Variants in CHD6 observed in about 807,000 individuals in gnomAD.
CHD6 encodes ATP-dependent chromatin remodeler CHD6.
A neutral mutation model predicts 276.9 loss-of-function variants in CHD6; 50 were observed. The ratio of observed to expected loss-of-function variants is 0.18; its 90% CI spans 0.14 to 0.23. The LOEUF (loss-of-function observed/expected upper bound fraction) is 0.23, where lower values mean the gene tolerates loss of function less well. Ranked by LOEUF, CHD6 falls within the 10% of genes least tolerant of loss-of-function variation. The probability of loss-of-function intolerance (pLI) is 1.00; values close to 1 mark genes in which losing one functional copy is unlikely to be tolerated. For synonymous variants in CHD6, 1,173 were observed against 1,229.3 expected (o/e 0.95, Z 0.96); for missense variants, 2,564 against 3,365.8 (o/e 0.76, Z 5.89).
chr20:41,404,426 AC>A lies in CHD6; in HGVS notation c.*166del. On this transcript the variant is annotated 3_prime_UTR_variant, in exon 37 of 37. Transcript: ENST00000373233. ...AACACTTATCTAATGAAGTGGTGAG[AC>A]CCTGCAACTATTAACATCTGTTACC... 2.3e-5 allele frequency: 31 copies of A among 1,322,004 alleles called. No individual in the cohort carries two copies. The highest frequency in any genetic ancestry group is 2.0e-4 in the South Asian group (7 of 35,254). The allele number at this position is 1,322,004 out of a possible 1,614,324, so 81.9% of individuals were successfully genotyped here. A position where few individuals can be genotyped will look rare whatever the true frequency, so the allele number is the denominator to read the frequency against.
At chr20:41,455,679 A>C (rs997296741) in intron 19 of CHD6, 121 bp downstream of exon 19, 11 of 670,774 alleles carry the variant, frequency 1.6e-5, no homozygotes, top group Non-Finnish European at 2.8e-5. Flanking sequence ...CGCAGACTAA[A>C]TGTGCAGCCA....
intron 36 of CHD6, 50 bp downstream of exon 36, chr20:41,412,094 C>T: frequency 6.2e-7 from 1 of 1,607,276 alleles, no homozygotes; most frequent in African/African-American, 1.3e-5. Flanking sequence ...AGGCACGGCT[C>T]AACCAGGATG....
Position 41,533,093 on chromosome 20 carries a change from T to C in CHD6, c.511A>G (p.Ser171Gly), listed in dbSNP as rs368241193. The C allele has an allele frequency of 7.4e-6, 12 of 1,611,884 alleles. No homozygotes were observed. In the African/African-American group the frequency reaches 1.6e-4, roughly 22 times the overall value. ...GTCCTGGCTGCAGAGTCAGTGCAGCTCCTCTTCTCTTTGGCCTCCTTGGTG... is the reference window on the plus strand; with the variant it reads ...GTCCTGGCTGCAGAGTCAGTGCAGCCCCTCTTCTCTTTGGCCTCCTTGGTG... ...SGTKEAKEKR[S>G]CTDSAARTKS... Residue 171 changes from serine to glycine, a missense_variant, in exon 3 of 37, where the codon AGC becomes GGC. By Grantham distance (56) the Ser-to-Gly change is moderately conservative (BLOSUM62 0). Around this residue, in one of 7 missense-constraint regions of CHD6, gnomAD observed 286 missense variants for 297.8 expected, o/e 0.96. Coordinates refer to ENST00000373233, the MANE Select transcript of CHD6 (RefSeq NM_032221.5).
At chr20:41,591,379 T>TACACACACACAC (rs201725894) in intron 1 of CHD6, among the ~76,000 whole-genome samples, 99 of 144,184 alleles carry the variant, frequency 6.9e-4, no homozygotes, top group African/African-American at 2.3e-3. Context: ...TATATATATA[T>TACACACACACAC]ACACACACAC....
chr20:41,494,065 GT>G, intron 8 of CHD6, 121 bp from the exon 9 acceptor site: 1 of 652,738 alleles, frequency 1.5e-6, no homozygotes. Context: ...AAAAGAAAGG[GT>G]TTGCTTAAGA....
Position 41,405,091 on chromosome 20 carries a change from A to G in CHD6, c.7650T>C (p.Ala2550=). The change falls in exon 37 of 37, where the codon GCT becomes GCC. Residue 2550 remains alanine (A), a synonymous_variant. Transcript: ENST00000373233. Reference sequence around the variant, plus strand: ...TCGTTGTGCTTGATAGAGACGCCGGAGCAGTGGAAGTGCAGGTGGTTGCCA... The same window carrying G: ...TCGTTGTGCTTGATAGAGACGCCGGGGCAGTGGAAGTGCAGGTGGTTGCCA... ...PPMATTCTST[A]PASLSSTTKS... 1 of 1,614,206 alleles carries G rather than the reference A, an allele frequency of 6.2e-7. No homozygotes were observed. The highest frequency in any genetic ancestry group is 8.5e-7 in the Non-Finnish European group (1 of 1,180,036).
At chr20:41,613,045 T>C (rs902959260) in intron 1 of CHD6, among the ~76,000 whole-genome samples, 11 of 152,168 alleles carry the variant, frequency 7.2e-5, no homozygotes, top group African/African-American at 2.2e-4. Flanking sequence ...AGAACTTTAA[T>C]ATAAAATCCT....
At chr20:41,585,242 G>A (rs2045581672) in intron 1 of CHD6, among the ~76,000 whole-genome samples, 1 of 152,116 alleles carries the variant, frequency 6.6e-6, no homozygotes, top group African/African-American at 2.4e-5. Context: ...GGTGGCTCAC[G>A]CCTGTAATCC....
chr20:41,538,484 T>C (rs533217099), intron 2 of CHD6, among the ~76,000 whole-genome samples: 1 of 152,340 alleles, frequency 6.6e-6, no homozygotes, highest in African/African-American at 2.4e-5. Context: ...TCCATTTATA[T>C]GAAATGCTCA....
intron 1 of CHD6, among the ~76,000 whole-genome samples, chr20:41,600,968 A>T (rs963050028): frequency 1.3e-5 from 2 of 152,196 alleles, no homozygotes; most frequent in Non-Finnish European, 2.9e-5. Context: ...AAAAAAGTGG[A>T]ATTTTACAAC....
chr20:41,534,901 C>T (rs2044791858), intron 2 of CHD6, among the ~76,000 whole-genome samples: 1 of 152,108 alleles, frequency 6.6e-6, no homozygotes, highest in Admixed American at 6.5e-5. Flanking sequence ...AGAAATCCAG[C>T]AGTGAGGTGA....
At chr20:41,472,156 G>A (rs947443672) in intron 17 of CHD6, among the ~76,000 whole-genome samples, 4 of 151,714 alleles carry the variant, frequency 2.6e-5, no homozygotes, top group African/African-American at 7.3e-5. Context: ...CAAGAGAATC[G>A]CTTGAACCTG....
At chr20:41,613,022 T>G (rs1272092611) in intron 1 of CHD6, among the ~76,000 whole-genome samples, 1 of 152,182 alleles carries the variant, frequency 6.6e-6, no homozygotes, top group Non-Finnish European at 1.5e-5. Context: ...ATTAAGTAAA[T>G]AATAAGGCTC....
chr20:41,404,208 CTT>C lies in CHD6; in HGVS notation c.*383_*384del. 1 of 1,070,006 alleles carries C rather than the reference CTT, an allele frequency of 9.3e-7. No individual in the cohort carries two copies. The highest frequency in any genetic ancestry group is 1.6e-5 in the African/African-American group (1 of 61,370). The allele number at this position is 1,070,006 out of a possible 1,614,324, so 66.3% of individuals were successfully genotyped here. A position where few individuals can be genotyped will look rare whatever the true frequency, so the allele number is the denominator to read the frequency against. Reference sequence around the variant, plus strand: ...CCCAGCTCACAGAAAAAGAGCTCCTCTTTGTCTCTGTTCTTCCACCCTTCAAT... The same window carrying C: ...CCCAGCTCACAGAAAAAGAGCTCCTCTGTCTCTGTTCTTCCACCCTTCAAT... On this transcript the variant is annotated 3_prime_UTR_variant, in exon 37 of 37. Transcript: ENST00000373233.
At chr20:41,517,653 G>A (rs1448820076) in intron 3 of CHD6, among the ~76,000 whole-genome samples, 2 of 152,234 alleles carry the variant, frequency 1.3e-5, no homozygotes, top group Non-Finnish European at 2.9e-5. Context: ...CTCATGTTAT[G>A]TGGCTCCTCA....
chr20:41,404,748 G>A lies in CHD6; in HGVS notation c.7993C>T (p.Pro2665Ser), dbSNP rs766149109. The A allele has an allele frequency of 1.8e-5, 29 of 1,605,874 alleles. No homozygotes were observed. The highest frequency in any genetic ancestry group is 2.4e-5 in the Non-Finnish European group (28 of 1,175,700). The change falls in exon 37 of 37, where the codon CCC becomes TCC. Residue 2665 changes from proline to serine, a missense_variant. Pro to Ser is a moderately conservative substitution (Grantham distance 74). Coordinates refer to ENST00000373233, the MANE Select transcript of CHD6 (RefSeq NM_032221.5). ...GGAGCAGGCTCTGGGTGGGAGTTGGGGTTGTCCCCCTTTGTCTTCTTCTTC... is the reference window on the plus strand; with the variant it reads ...GGAGCAGGCTCTGGGTGGGAGTTGGAGTTGTCCCCCTTTGTCTTCTTCTTC... The part of the protein sequence containing the change: ...RKKKKTKGDN[P>S]NSHPEPAPSC...
intron 27 of CHD6, among the ~76,000 whole-genome samples, chr20:41,431,538 TC>T (rs2047537282): frequency 6.6e-6 from 1 of 152,128 alleles, no homozygotes; most frequent in South Asian, 2.1e-4. Context: ...GAAAATTTGG[TC>T]ATATGGTGCT....
At chr20:41,410,641 A>T (rs886599792) in intron 36 of CHD6, among the ~76,000 whole-genome samples, 1 of 152,158 alleles carries the variant, frequency 6.6e-6, no homozygotes, top group African/African-American at 2.4e-5. Context: ...GAGTGTGTTT[A>T]TTTAATAAAA....
intron 16 of CHD6, among the ~76,000 whole-genome samples, chr20:41,474,766 TGAA>T (rs2043134933): frequency 6.6e-6 from 1 of 152,046 alleles, no homozygotes; most frequent in South Asian, 2.1e-4. Flanking sequence ...TTGACTTCCT[TGAA>T]GAAAAGAAAA....
Sources: allele counts gnomAD v4.1 joint callset (sites outside exome capture counted in the v4.1 genomes callset), GRCh38; gene constraint gnomAD v4.1.1; regional missense constraint gnomAD v4.1.1; transcripts MANE v1.5; gene names NCBI Gene and HGNC (gene_info 2026-07-23, HGNC 2026-07-21).